TTC34: variants seen among roughly 807,000 people sequenced by gnomAD.
The protein encoded by TTC34 is tetratricopeptide repeat domain 34, also known as tetratricopeptide repeat protein 34.
Under a neutral mutation model 40.7 loss-of-function variants are expected in TTC34, and 44 were observed. The ratio of observed to expected loss-of-function variants is 1.08; its 90% confidence interval spans 0.85 to 1.39. The LOEUF is 1.39. Among genes scored for constraint, TTC34 ranks in the 40% most tolerant of loss-of-function variants. The pLI, the probability that TTC34 is intolerant of heterozygous loss-of-function variation, is 0.00. For synonymous variants in TTC34, 422 were observed against 398.6 expected (o/e 1.06, Z -0.70); for missense variants, 884 against 838.0 (o/e 1.05, Z -0.68).
intron 6 of TTC34, among the ~76,000 whole-genome samples, chr1:2,751,248 C>A (rs1187101577): frequency 9.0e-6 from 1 of 110,690 alleles, no homozygotes; most frequent in African/African-American, 4.2e-5. Flanking sequence ...GCAGGCACAC[C>A]CCCAGTGAGC....
chr1:2,653,302 C>T (rs1467945848), intron 6 of TTC34, among the ~76,000 whole-genome samples: 1 of 148,554 alleles, frequency 6.7e-6, no homozygotes, highest in African/African-American at 2.5e-5. Flanking sequence ...AGGTGAGCAT[C>T]TGACAGCCTG....
At chr1:2,652,033 GC>G (rs1639153024) in intron 6 of TTC34, among the ~76,000 whole-genome samples, 1 of 2,656 alleles carries the variant, frequency 3.8e-4, no homozygotes, top group Admixed American at 3.8e-3. Context: ...TCGTGGAGCA[GC>G]AGCCCACACC....
At chr1:2,749,982 A>G (rs1248380558) in intron 6 of TTC34, among the ~76,000 whole-genome samples, 1 of 75,462 alleles carries the variant, frequency 1.3e-5, no homozygotes, top group Non-Finnish European at 2.3e-5. Context: ...TGAGCATTGG[A>G]CACCCTGGAG....
At chr1:2,642,202 G>T (rs1638920945) in intron 8 of TTC34, among the ~76,000 whole-genome samples, 2 of 152,168 alleles carry the variant, frequency 1.3e-5, no homozygotes, top group African/African-American at 4.8e-5. Context: ...TTCTCCCTGG[G>T]CCTCGGATCA....
chr1:2,797,150 C>T (rs1225597081), intron 2 of TTC34, among the ~76,000 whole-genome samples: 1 of 152,234 alleles, frequency 6.6e-6, no homozygotes, highest in African/African-American at 2.4e-5. Context: ...ACTCCGTATG[C>T]CCTTGGCAGC....
chr1:2,771,586 C>G (rs1268278829), intron 6 of TTC34, among the ~76,000 whole-genome samples: 2 of 62,494 alleles, frequency 3.2e-5, no homozygotes, highest in Non-Finnish European at 5.4e-5. Context: ...ATCTGACAGC[C>G]TGGAGCAGCG....
intron 6 of TTC34, among the ~76,000 whole-genome samples, chr1:2,752,889 C>T (rs1641371348): frequency 1.3e-5 from 2 of 151,578 alleles, no homozygotes; most frequent in Admixed American, 1.3e-4. Flanking sequence ...GGAACGGCAC[C>T]CACACCCCCA....
chr1:2,652,512 ACAGCACCCACACCTCCAGGCGAG>A (rs1639180861), intron 6 of TTC34, among the ~76,000 whole-genome samples: 1 of 28,200 alleles, frequency 3.5e-5, no homozygotes, highest in Non-Finnish European at 7.4e-5. Context: ...ACGGCCTGCA[ACAGCACCCACACCTCCAGGCGAG>A]CATTGGAAAG....
intron 6 of TTC34, among the ~76,000 whole-genome samples, chr1:2,761,886 C>A (rs1250639885): frequency 1.4e-5 from 1 of 73,534 alleles, no homozygotes; most frequent in Non-Finnish European, 2.5e-5. Context: ...AAACAGCACC[C>A]CTACTGGCAG....
chr1:2,698,539 C>A (rs1410035060), intron 6 of TTC34, among the ~76,000 whole-genome samples: 7 of 122,566 alleles, frequency 5.7e-5, no homozygotes, highest in South Asian at 2.8e-4. Context: ...CCCAGGTGAG[C>A]ATCGGGCAGC....
chr1:2,748,151 C>T (rs1641210367), intron 6 of TTC34, among the ~76,000 whole-genome samples: 1 of 79,650 alleles, frequency 1.3e-5, no homozygotes, highest in Non-Finnish European at 2.2e-5. Flanking sequence ...CATGGAGCAG[C>T]ACCCACACCC....
chr1:2,684,444 T>C (rs1286162447), intron 6 of TTC34, among the ~76,000 whole-genome samples: 39 of 137,732 alleles, frequency 2.8e-4, no homozygotes, highest in Middle Eastern at 4.0e-3. Context: ...CACCCCCAGG[T>C]GAGCATCTGA....
At chr1:2,699,479 G>C (rs1382326937) in intron 6 of TTC34, among the ~76,000 whole-genome samples, 1 of 117,344 alleles carries the variant, frequency 8.5e-6, no homozygotes, top group African/African-American at 2.8e-5. Flanking sequence ...TGACAGCCTG[G>C]AGCAGCACCC....
At chr1:2,786,634 A>G (rs141433062) in intron 4 of TTC34, among the ~76,000 whole-genome samples, 8 of 152,304 alleles carry the variant, frequency 5.3e-5, no homozygotes, top group African/African-American at 1.9e-4. Context: ...TGAGAAGCAG[A>G]GGAAGGGGCT....
intron 6 of TTC34, among the ~76,000 whole-genome samples, chr1:2,750,682 T>G (rs1641288580): frequency 5.6e-3 from 78 of 13,862 alleles, no homozygotes; most frequent in Admixed American, 7.8e-3. Flanking sequence ...AACAGCACCC[T>G]GCACCCCCAA....
intron 6 of TTC34, among the ~76,000 whole-genome samples, chr1:2,750,547 C>T (rs1641281735): frequency 6.6e-6 from 1 of 151,926 alleles, no homozygotes; most frequent in African/African-American, 2.4e-5. Flanking sequence ...ATCCGACAGC[C>T]TGGGGCAGCA....
At chr1:2,772,977 C>A (rs1642507661) in intron 6 of TTC34, among the ~76,000 whole-genome samples, 12 of 127,298 alleles carry the variant, frequency 9.4e-5, no homozygotes, top group African/African-American at 2.7e-4. Context: ...AGCATGCACA[C>A]CCCCAGGCGA....
At chr1:2,685,100 C>G (rs1338984799) in intron 6 of TTC34, among the ~76,000 whole-genome samples, 3 of 136,664 alleles carry the variant, frequency 2.2e-5, no homozygotes, top group African/African-American at 6.1e-5. Flanking sequence ...CACGTGACAG[C>G]TTGGATCAGC....
At chr1:2,768,605 G>A (rs1246037249) in intron 6 of TTC34, among the ~76,000 whole-genome samples, 3 of 151,968 alleles carry the variant, frequency 2.0e-5, no homozygotes, top group African/African-American at 7.3e-5. Flanking sequence ...CTGAAAGCCT[G>A]GAATGGTACC....
Sources: allele counts gnomAD v4.1 joint callset (sites outside exome capture counted in the v4.1 genomes callset), GRCh38; gene constraint gnomAD v4.1.1; transcripts MANE v1.5; gene names NCBI Gene and HGNC (gene_info 2026-07-23, HGNC 2026-07-21).